ZNF536: variants seen among roughly 807,000 people sequenced by gnomAD.
The protein encoded by ZNF536 is zinc finger protein 536.
A neutral mutation model predicts 84.5 loss-of-function variants in ZNF536; 13 were observed. The observed-to-expected ratio is 0.15, with a 90% confidence interval of 0.10 to 0.24. The LOEUF (loss-of-function observed/expected upper bound fraction) is 0.24, where lower values mean the gene tolerates loss of function less well. ZNF536 is among the 10% of genes least tolerant of loss of function. The probability of loss-of-function intolerance (pLI) is 1.00; values close to 1 mark genes in which losing one functional copy is unlikely to be tolerated. For synonymous variants in ZNF536, 811 were observed against 742.5 expected, an observed-to-expected ratio of 1.09 and a Z score of -1.50; for missense variants, 1,536 against 1,747.5, an observed-to-expected ratio of 0.88 and a Z score of 2.16.
intron 3 of ZNF536, among the ~76,000 whole-genome samples, chr19:30,546,878 T>G (rs1164567898): frequency 2.6e-5 from 4 of 152,216 alleles, no homozygotes; most frequent in Non-Finnish European, 5.9e-5. Context: ...TATTTAAATC[T>G]GCAGTCGTTT....
At chr19:30,460,223 G>A (rs2053071508) in intron 2 of ZNF536, among the ~76,000 whole-genome samples, 1 of 152,212 alleles carries the variant, frequency 6.6e-6, no homozygotes, top group African/African-American at 2.4e-5. Context: ...TCATGGCAAG[G>A]AAGTTAGTCC....
intron 1 of ZNF536, among the ~76,000 whole-genome samples, chr19:30,402,256 A>C (rs1416403214): frequency 6.6e-6 from 1 of 152,166 alleles, no homozygotes; most frequent in African/African-American, 2.4e-5. Flanking sequence ...TTACTAGCTG[A>C]ATTCTACCAC....
intron 1 of ZNF536, among the ~76,000 whole-genome samples, chr19:30,617,499 T>C (rs986599652): frequency 2.6e-5 from 4 of 151,692 alleles, no homozygotes; most frequent in South Asian, 2.1e-4. Flanking sequence ...GACAGGCGCC[T>C]GCCACCACGC....
chr19:30,474,011 C>T (rs1405039493), intron 2 of ZNF536, among the ~76,000 whole-genome samples: 3 of 152,144 alleles, frequency 2.0e-5, no homozygotes, highest in African/African-American at 7.2e-5. Context: ...TGTGCCTGGC[C>T]CATAGTAGCT....
intron 2 of ZNF536, among the ~76,000 whole-genome samples, chr19:30,335,335 G>T (rs886905948): frequency 2.0e-5 from 3 of 152,118 alleles, no homozygotes; most frequent in African/African-American, 7.2e-5. Context: ...TGAGAGGCTC[G>T]GTTACATCTT....
At position 30,549,256 on chromosome 19, in the gene ZNF536, G is replaced by C. The variant is rs202141031; in HGVS notation, c.3637G>C (p.Gly1213Arg). The change falls in exon 4 of 5, where the codon GGC becomes CGC. Residue 1213 changes from glycine (G) to arginine (R), a missense_variant. Gly to Arg is a moderately radical substitution (Grantham distance 125). Coordinates refer to ENST00000355537, the MANE Select transcript of ZNF536 (RefSeq NM_014717.3). ...TGGCGGGGACAGCCTGCAGCCCACAGGCACCTCCCAGCCCGTCCAGGGACT... is the reference window on the plus strand; with the variant it reads ...TGGCGGGGACAGCCTGCAGCCCACACGCACCTCCCAGCCCGTCCAGGGACT... ...SDGGDSLQPT[G>R]TSQPVQGLVS... 3 of 1,613,968 alleles carry C rather than the reference G, an allele frequency of 1.9e-6. No homozygotes were observed. The highest frequency in any genetic ancestry group is 1.7e-6 in the Non-Finnish European group (2 of 1,180,056).
intron 2 of ZNF536, among the ~76,000 whole-genome samples, chr19:30,311,172 G>C (rs1237087671): frequency 1.3e-5 from 2 of 152,126 alleles, no homozygotes; most frequent in Non-Finnish European, 2.9e-5. Flanking sequence ...TGCTTCCTGG[G>C]GCTGTGTCTG....
intron 2 of ZNF536, among the ~76,000 whole-genome samples, chr19:30,488,046 C>A (rs4804933): frequency 0.13 from 19,748 of 151,976 alleles, 1,894 homozygotes; most frequent in East Asian, 0.28. Flanking sequence ...TTCTGCCGGC[C>A]GCCACAGCAG....
At chr19:30,541,128 C>T (rs978895632) in intron 3 of ZNF536, among the ~76,000 whole-genome samples, 32 of 152,186 alleles carry the variant, frequency 2.1e-4, no homozygotes, top group Non-Finnish European at 4.1e-4. Context: ...AAGTGCTTCC[C>T]GAGCAGTGGC....
At chr19:30,492,087 T>C (rs182791916) in intron 2 of ZNF536, among the ~76,000 whole-genome samples, 49 of 151,444 alleles carry the variant, frequency 3.2e-4, no homozygotes, top group African/African-American at 1.2e-3. Context: ...TGGGTTGTAT[T>C]TTGGGTGAGG....
chr19:30,481,071 C>T (rs1599528327), intron 2 of ZNF536, among the ~76,000 whole-genome samples: 1 of 151,582 alleles, frequency 6.6e-6, no homozygotes. Context: ...TTTTTAGCTG[C>T]CCTTAATACT....
chr19:30,426,988 C>T (rs1396191679), intron 1 of ZNF536, among the ~76,000 whole-genome samples: 1 of 152,030 alleles, frequency 6.6e-6, no homozygotes, highest in African/African-American at 2.4e-5. Context: ...TCCATGTATC[C>T]ATCCATCCAT....
chr19:30,309,917 C>T (rs1439315663), intron 2 of ZNF536, among the ~76,000 whole-genome samples: 2 of 151,858 alleles, frequency 1.3e-5, no homozygotes, highest in Admixed American at 6.6e-5. Flanking sequence ...ATTAGAGGGG[C>T]TTCTGATTGC....
intron 1 of ZNF536, among the ~76,000 whole-genome samples, chr19:30,671,975 T>G (rs1293475347): frequency 6.6e-6 from 1 of 152,170 alleles, no homozygotes; most frequent in Non-Finnish European, 1.5e-5. Flanking sequence ...AGTAGGACTT[T>G]ACGGAGCGTG....
At chr19:30,592,915 G>T (rs1599911929) in intron 1 of ZNF536, among the ~76,000 whole-genome samples, 1 of 152,112 alleles carries the variant, frequency 6.6e-6, no homozygotes. Flanking sequence ...CAGGTATAAC[G>T]CTTGAAATGT....
intron 1 of ZNF536, among the ~76,000 whole-genome samples, chr19:30,245,126 C>T (rs1396364167): frequency 6.6e-6 from 1 of 152,174 alleles, no homozygotes; most frequent in African/African-American, 2.4e-5. Flanking sequence ...ACTTGAGGGC[C>T]ATAGCACACC....
At chr19:30,661,494 C>G (rs114013259) in intron 1 of ZNF536, among the ~76,000 whole-genome samples, 175 of 152,222 alleles carry the variant, frequency 1.1e-3, no homozygotes, top group African/African-American at 4.0e-3. Flanking sequence ...TAGGTGCAAG[C>G]TTTTGGGGGG....
intron 2 of ZNF536, among the ~76,000 whole-genome samples, chr19:30,460,345 A>AACTAAATG (rs1249817255): frequency 3.9e-5 from 6 of 152,166 alleles, no homozygotes; most frequent in Admixed American, 6.5e-5. Context: ...GAGCTTGGGC[A>AACTAAATG]ACTAAATGGT....
chr19:30,562,847 C>A (rs2046220718), downstream of ZNF536, among the ~76,000 whole-genome samples: 1 of 152,034 alleles, frequency 6.6e-6, no homozygotes, highest in Admixed American at 6.6e-5. Context: ...CCTGAGAATT[C>A]CCTTGGTCAC....
Sources: allele counts gnomAD v4.1 joint callset (sites outside exome capture counted in the v4.1 genomes callset), GRCh38; gene constraint gnomAD v4.1.1; transcripts MANE v1.5; gene names NCBI Gene and HGNC (gene_info 2026-07-23, HGNC 2026-07-21).